The following ATP5F1A variants were observed in gnomAD, a reference collection of about 807,000 sequenced individuals.
The protein encoded by ATP5F1A is ATP synthase F(1) complex subunit alpha, mitochondrial.
In ATP5F1A, 24 loss-of-function variants were observed where a neutral mutation model predicts 57.4. The observed-to-expected ratio is 0.42, with a 90% CI of 0.30 to 0.59. ATP5F1A has a LOEUF of 0.59. Ranked by LOEUF, ATP5F1A falls within the 20% of genes least tolerant of loss-of-function variation. ATP5F1A has a pLI of 0.19. For missense variants in ATP5F1A, 494 were observed against 707.9 expected (o/e 0.70, Z 3.43); for synonymous variants, 251 against 255.5 (o/e 0.98, Z 0.17).
At chr18:46,103,622 A>AAAG (rs1162500600) in intron 1 of ATP5F1A, among the ~76,000 whole-genome samples, 2 of 147,616 alleles carry the variant, frequency 1.4e-5, no homozygotes, top group Non-Finnish European at 3.0e-5. Flanking sequence ...AAAAAAAAAA[A>AAAG]AAAAAAAAAA....
At chr18:46,100,639 G>T (rs1911248924), upstream of ATP5F1A, among the ~76,000 whole-genome samples, 1 of 152,136 alleles carries the variant, frequency 6.6e-6, no homozygotes, top group Non-Finnish European at 1.5e-5. Context: ...GAGAACTGTT[G>T]TATATTGTTC....
chr18:46,095,096 A>G lies in ATP5F1A; in HGVS notation c.96T>C (p.Ala32=), dbSNP rs1455183517. The part of the protein sequence containing the change: ...SRNALGSSFI[A]ARNFHASNTH... ...TGTTAGAGGCATGGAAGTTCCTTGCAGCAATGAAAGATGAACCCAAAGCAT... is the reference window on the plus strand; with the variant it reads ...TGTTAGAGGCATGGAAGTTCCTTGCGGCAATGAAAGATGAACCCAAAGCAT... Residue 32 remains alanine, a synonymous_variant, in exon 2 of 12, where the codon GCT becomes GCC. Transcript: ENST00000398752. 2 of 1,613,702 alleles carry G rather than the reference A, an allele frequency of 1.2e-6. No individual in the cohort carries two copies. Among genetic ancestry groups the G allele is most frequent in the African/African-American group, 2.7e-5 (2 of 74,898 alleles).
At chr18:46,088,010 G>C in intron 6 of ATP5F1A, 99 bp downstream of exon 6, 2 of 1,331,994 alleles carry the variant, frequency 1.5e-6, no homozygotes, top group Non-Finnish European at 2.1e-6. Flanking sequence ...AGCCCATTAG[G>C]AAGTAATTAA....
In ATP5F1A at chr18:46,082,689, A is replaced by C. The variant is rs937400142; in HGVS notation, c.*1593T>G. ...CGGAGACTCCATCTCAAATAAATAA[A>C]TAACTAAGTAAAAAAAAAGGTAACA... On this transcript the variant is annotated 3_prime_UTR_variant, in exon 12 of 12. Transcript: ENST00000398752. 1 of 152,160 alleles carries C rather than the reference A, an allele frequency of 6.6e-6. No homozygotes were observed. The highest frequency in any genetic ancestry group is 2.4e-5 in the African/African-American group (1 of 41,430). The allele number at this position is 152,160 out of a possible 1,614,324, so 9.4% of individuals were successfully genotyped here. A position where few individuals can be genotyped will look rare whatever the true frequency, so the allele number is the denominator to read the frequency against.
intron 3 of ATP5F1A, among the ~76,000 whole-genome samples, chr18:46,091,136 C>T (rs539952918): frequency 6.6e-6 from 1 of 152,314 alleles, no homozygotes; most frequent in Admixed American, 6.5e-5. Flanking sequence ...GACAGTTCCA[C>T]TCTCTCTAGT....
chr18:46,095,258 T>C (rs1023972466), intron 1 of ATP5F1A, 127 bp from the exon 2 acceptor site: 12 of 831,602 alleles, frequency 1.4e-5, no homozygotes, highest in Non-Finnish European at 2.2e-5. Flanking sequence ...ATAAAGCATT[T>C]TGTTTAAAAT....
At chr18:46,090,223 ATGCT>A (rs1910460835) in intron 3 of ATP5F1A, among the ~76,000 whole-genome samples, 2 of 152,208 alleles carry the variant, frequency 1.3e-5, no homozygotes, top group Admixed American at 6.5e-5. Context: ...TAAGCCTAAT[ATGCT>A]CACTATCATA....
chr18:46,096,540 T>A (rs1308011675), intron 1 of ATP5F1A, among the ~76,000 whole-genome samples: 1 of 143,948 alleles, frequency 6.9e-6, no homozygotes, highest in African/African-American at 2.5e-5. Context: ...AAAATGTAAG[T>A]GTCTTTCCCT....
At chr18:46,088,531 G>C in intron 5 of ATP5F1A, 2 of 248,458 alleles carry the variant, frequency 8.0e-6, no homozygotes, top group South Asian at 8.4e-5. Flanking sequence ...GTAAAAATGT[G>C]TTTGCAGGCA....
Position 46,095,097 on chromosome 18 carries a change from G to A in ATP5F1A, c.95C>T (p.Ala32Val), listed in dbSNP as rs1366468342. 1.2e-6 allele frequency: 2 copies of A among 1,613,624 alleles called. No individual in the cohort carries two copies. The highest frequency in any genetic ancestry group is 1.7e-6 in the Non-Finnish European group (2 of 1,179,854). ...GTTAGAGGCATGGAAGTTCCTTGCA[G>A]CAATGAAAGATGAACCCAAAGCATT... ...SRNALGSSFI[A>V]ARNFHASNTH... is the part of the protein sequence containing the mutation. The change falls in exon 2 of 12, where the codon GCT becomes GTT. Residue 32 changes from alanine to valine, a missense_variant. Coordinates refer to ENST00000398752, the MANE Select transcript of ATP5F1A (RefSeq NM_004046.6).
intron 2 of ATP5F1A, chr18:46,094,708 T>G: frequency 5.7e-6 from 1 of 174,050 alleles, no homozygotes; most frequent in Non-Finnish European, 1.2e-5. Context: ...AATAAGAACT[T>G]ACATTTTTTC....
chr18:46,089,999 G>A lies in ATP5F1A; in HGVS notation c.310-3C>T. The stretch of plus-strand genomic sequence containing the variant: ...GGTTCCAAGTTCAAGGACATACCCT[G>A]CACAAAAGACACAATTGAACATCAA... On this transcript the variant is annotated splice_polypyrimidine_tract_variant and splice_region_variant and intron_variant, in intron 3 of 11. Transcript: ENST00000398752. 7.2e-7 allele frequency: 1 copy of A among 1,379,400 alleles called. No homozygotes were observed. Among genetic ancestry groups the A allele is most frequent in the Non-Finnish European group, 9.6e-7 (1 of 1,043,974 alleles). 85.4% of individuals were successfully genotyped at this position (1,379,400 alleles called of 1,614,324 possible). A position where few individuals can be genotyped will look rare whatever the true frequency, so the allele number is the denominator to read the frequency against.
In ATP5F1A at chr18:46,087,208, G is replaced by A. The variant is rs1910169006; in HGVS notation, c.976C>T (p.Leu326=). Residue 326 remains leucine (L), a synonymous_variant, in exon 8 of 12, where the codon CTG becomes TTG. Coordinates refer to ENST00000398752, the MANE Select transcript of ATP5F1A (RefSeq NM_004046.6). Reference sequence around the variant, plus strand: ...CGACCAGGGGGTCGGCGGAGCAACAGAGACATCTGACGGTAAGCAACAGCC... The same window carrying A: ...CGACCAGGGGGTCGGCGGAGCAACAAAGACATCTGACGGTAAGCAACAGCC... ...KQAVAYRQMS[L]LLRRPPGREA... The A allele has an allele frequency of 1.2e-6, 2 of 1,613,984 alleles. No homozygotes were observed. The highest frequency in any genetic ancestry group is 1.3e-5 in the African/African-American group (1 of 74,940).
chr18:46,088,087 G>T (rs747414196), intron 6 of ATP5F1A, 22 bp downstream of exon 6: 1 of 1,586,520 alleles, frequency 6.3e-7, no homozygotes, highest in Non-Finnish European at 8.5e-7. Flanking sequence ...TAATAGCAAT[G>T]GGACTAAATT....
At chr18:46,094,029 C>T (rs532779486) in intron 2 of ATP5F1A, among the ~76,000 whole-genome samples, 28 of 151,972 alleles carry the variant, frequency 1.8e-4, no homozygotes, top group Non-Finnish European at 3.8e-4. Flanking sequence ...ATCACTTGAA[C>T]CCGTGAGGCA....
intron 10 of ATP5F1A, chr18:46,085,789 C>T (rs1279755666): frequency 1.8e-5 from 4 of 223,554 alleles, no homozygotes; most frequent in South Asian, 8.0e-5. Context: ...AAAAATTAGT[C>T]GGGCGTGGTG....
intron 2 of ATP5F1A, among the ~76,000 whole-genome samples, chr18:46,094,164 TACACAC>T (rs71938962): frequency 5.4e-5 from 8 of 149,140 alleles, no homozygotes; most frequent in East Asian, 2.0e-4. Flanking sequence ...TGTGTACACA[TACACAC>T]ACACACACAC....
chr18:46,095,461 TG>T (rs2144213169), intron 1 of ATP5F1A, among the ~76,000 whole-genome samples: 1 of 151,732 alleles, frequency 6.6e-6, no homozygotes, highest in South Asian at 2.1e-4. Context: ...ACTACAGGGG[TG>T]CGCCACCTCC....
intron 3 of ATP5F1A, among the ~76,000 whole-genome samples, chr18:46,091,454 G>A (rs940934867): frequency 6.6e-6 from 1 of 152,104 alleles, no homozygotes; most frequent in African/African-American, 2.4e-5. Context: ...TTTATATTTT[G>A]GAGCCAGTGG....
Sources: gnomAD v4.1 joint callset for allele counts (sites outside exome capture counted in the v4.1 genomes callset) on GRCh38, gnomAD v4.1.1 for gene constraint, MANE v1.5 for transcripts, NCBI Gene and HGNC (gene_info 2026-07-23, HGNC 2026-07-21) for gene names.